The following THSD4 variants were observed in gnomAD, a reference collection of about 807,000 sequenced individuals.
THSD4 encodes thrombospondin type-1 domain-containing protein 4.
Under a neutral mutation model 119.0 loss-of-function variants are expected in THSD4, and 69 were observed. The observed-to-expected ratio is 0.58, with a 90% CI of 0.48 to 0.71. THSD4 has a LOEUF of 0.71. Among genes scored for constraint, THSD4 ranks in the 30% least tolerant of loss-of-function variants. THSD4 has a pLI of 0.00. For missense variants in THSD4, 1,393 were observed against 1,391.1 expected (o/e 1.00, Z -0.02); for synonymous variants, 524 against 540.4 (o/e 0.97, Z 0.42).
chr15:71,512,236 A>G (rs1015065008), intron 7 of THSD4, among the ~76,000 whole-genome samples: 1 of 152,120 alleles, frequency 6.6e-6, no homozygotes, highest in African/African-American at 2.4e-5. Context: ...GTTAATGCAA[A>G]TCTGTGAAAT....
intron 6 of THSD4, among the ~76,000 whole-genome samples, chr15:71,394,536 G>T (rs1410982473): frequency 6.6e-6 from 1 of 152,164 alleles, no homozygotes. Flanking sequence ...CTCCCAAAGT[G>T]CTGGGATTAC....
intron 3 of THSD4, among the ~76,000 whole-genome samples, chr15:71,199,815 ATGCACGTGTG>A (rs2043774578): frequency 8.1e-5 from 1 of 12,368 alleles, no homozygotes; most frequent in African/African-American, 2.1e-4. Flanking sequence ...TGTGTGTGTG[ATGCACGTGTG>A]GGGTGTGTGT....
intron 7 of THSD4, among the ~76,000 whole-genome samples, chr15:71,632,991 C>T (rs2050660994): frequency 6.6e-6 from 1 of 152,128 alleles, no homozygotes; most frequent in Non-Finnish European, 1.5e-5. Flanking sequence ...ACAGGCCTCC[C>T]AAGTTTGGCA....
intron 6 of THSD4, among the ~76,000 whole-genome samples, chr15:71,342,139 A>G (rs2045587654): frequency 1.1e-5 from 1 of 92,642 alleles, no homozygotes; most frequent in African/African-American, 2.7e-5. Context: ...TTCTTCATAA[A>G]AAAAAAAGGT....
chr15:71,155,750 T>C (rs2040771121), intron 3 of THSD4, among the ~76,000 whole-genome samples: 1 of 152,146 alleles, frequency 6.6e-6, no homozygotes, highest in Admixed American at 6.5e-5. Context: ...AACCCCCTGA[T>C]AGGGAGTCAT....
chr15:71,159,555 T>G (rs2043230971), intron 3 of THSD4, among the ~76,000 whole-genome samples: 1 of 152,156 alleles, frequency 6.6e-6, no homozygotes, highest in African/African-American at 2.4e-5. Flanking sequence ...GTACCATTGT[T>G]AATGTAATTA....
At chr15:71,528,370 A>G (rs1418814103) in intron 7 of THSD4, among the ~76,000 whole-genome samples, 1 of 152,132 alleles carries the variant, frequency 6.6e-6, no homozygotes, top group African/African-American at 2.4e-5. Context: ...TTCTCATTCC[A>G]GGCAACAACC....
In THSD4 at chr15:71,531,583, T is replaced by G. The variant is rs139103974; in HGVS notation, c.1152+119760T>G. Among the ~76,000 whole-genome samples the G allele has an allele frequency of 1.8e-4, 27 of 152,358 alleles. No homozygotes were observed. The East Asian group carries it at 5.2e-3, about 29-fold the overall frequency. ...CCTGCTTTGCTGCAGACTTGTCATG[T>G]GATCATGAGCAAGTCACTTAACTTT... On this transcript the variant is annotated intron_variant, in intron 7 of 17. Transcript: ENST00000261862.
chr15:71,757,737 T>G, intron 14 of THSD4, 165 bp from the exon 15 acceptor site: 1 of 805,030 alleles, frequency 1.2e-6, no homozygotes, highest in Non-Finnish European at 1.9e-6. Flanking sequence ...ATTGCCATAC[T>G]GATATCTCAT....
chr15:71,734,826 T>TAA (rs779818860), intron 10 of THSD4, among the ~76,000 whole-genome samples: 3 of 138,688 alleles, frequency 2.2e-5, no homozygotes, highest in Non-Finnish European at 3.2e-5. Context: ...AAAAGCCTAT[T>TAA]AAAAAAAAAA....
At chr15:71,236,500 G>T (rs1038724261) in intron 4 of THSD4, among the ~76,000 whole-genome samples, 3 of 152,200 alleles carry the variant, frequency 2.0e-5, no homozygotes, top group African/African-American at 7.2e-5. Flanking sequence ...CTACATAGAA[G>T]GAGGTGGCTT....
At chr15:71,407,033 G>C (rs1233492662) in intron 6 of THSD4, among the ~76,000 whole-genome samples, 1 of 152,038 alleles carries the variant, frequency 6.6e-6, no homozygotes, top group East Asian at 1.9e-4. Flanking sequence ...ATGTCTTCCT[G>C]ATGGATTGAC....
intron 3 of THSD4, among the ~76,000 whole-genome samples, chr15:71,195,836 G>A (rs556827941): frequency 6.6e-6 from 1 of 152,102 alleles, no homozygotes; most frequent in African/African-American, 2.4e-5. Flanking sequence ...CTACATGCAG[G>A]ACACTGTACA....
At chr15:71,236,092 G>A (rs1399011964) in intron 4 of THSD4, among the ~76,000 whole-genome samples, 1 of 152,202 alleles carries the variant, frequency 6.6e-6, no homozygotes, top group Admixed American at 6.5e-5. Flanking sequence ...GGATGCTGTG[G>A]CCCGTGTGGG....
chr15:71,144,741 G>A (rs768217412), intron 2 of THSD4, among the ~76,000 whole-genome samples: 1 of 152,130 alleles, frequency 6.6e-6, no homozygotes, highest in Non-Finnish European at 1.5e-5. Context: ...CTCAGAGTGT[G>A]TAGTAATAAA....
Position 71,714,860 on chromosome 15 carries a change from C to T in THSD4, c.1358-13689C>T, listed in dbSNP as rs113445549. Among the ~76,000 whole-genome samples the T allele has an allele frequency of 8.9e-3, 1,347 of 152,162 alleles. 23 individuals are homozygous for T. Among genetic ancestry groups the T allele is most frequent in the African/African-American group, 0.029 (1,221 of 41,500 alleles). On this transcript the variant is annotated intron_variant, in intron 8 of 17. Coordinates refer to ENST00000261862, the MANE Select transcript of THSD4 (RefSeq NM_024817.3). Reference sequence around the variant, plus strand: ...AATTTACCCACATAACAATCCTGCACGTGTACCCCCAATCCTAAAATAAAT... The same window carrying T: ...AATTTACCCACATAACAATCCTGCATGTGTACCCCCAATCCTAAAATAAAT...
chr15:71,442,644 ATG>A (rs1322209972), intron 7 of THSD4, among the ~76,000 whole-genome samples: 1 of 38,438 alleles, frequency 2.6e-5, no homozygotes, highest in African/African-American at 9.3e-5. Context: ...GTGTGTGTAT[ATG>A]TGTGTGTGTG....
At chr15:71,706,439 T>TGGGGAAACCTGGTGCTGGAGTTCA (rs1274921348) in intron 8 of THSD4, among the ~76,000 whole-genome samples, 1 of 152,148 alleles carries the variant, frequency 6.6e-6, no homozygotes, top group East Asian at 1.9e-4. Flanking sequence ...TCTAACAGGT[T>TGGGGAAACCTGGTGCTGGAGTTCA]GGGGAAACCT....
At chr15:71,187,759 C>T (rs912794366) in intron 3 of THSD4, among the ~76,000 whole-genome samples, 87 of 152,354 alleles carry the variant, frequency 5.7e-4, no homozygotes, top group African/African-American at 2.0e-3. Context: ...GTCACTTACT[C>T]ATTTCTATTC....
Sources: gnomAD v4.1 joint callset for allele counts (sites outside exome capture counted in the v4.1 genomes callset) on GRCh38, gnomAD v4.1.1 for gene constraint, MANE v1.5 for transcripts, NCBI Gene and HGNC (gene_info 2026-07-23, HGNC 2026-07-21) for gene names.